Variants in FRMD4A observed in about 807,000 individuals in gnomAD.
The protein encoded by FRMD4A is FERM domain containing 4A.
FRMD4A carries 29 observed loss-of-function variants against 129.1 expected under a neutral mutation model. The observed-to-expected ratio is 0.22, with a 90% CI of 0.17 to 0.31. The LOEUF is 0.31. FRMD4A is among the 10% of genes least tolerant of loss of function. FRMD4A has a pLI of 1.00. For synonymous variants in FRMD4A, 634 were observed against 571.6 expected, an observed-to-expected ratio of 1.11 and a Z score of -1.56; for missense variants, 1,272 against 1,375.8, an observed-to-expected ratio of 0.92 and a Z score of 1.19.
intron 2 of FRMD4A, among the ~76,000 whole-genome samples, chr10:14,165,579 T>C (rs1841130388): frequency 6.6e-6 from 1 of 152,170 alleles, no homozygotes; most frequent in African/African-American, 2.4e-5. Flanking sequence ...CACAGCACTA[T>C]TCACAATAGC....
At chr10:14,009,965 A>G (rs761849308) in intron 2 of FRMD4A, among the ~76,000 whole-genome samples, 6 of 152,186 alleles carry the variant, frequency 3.9e-5, no homozygotes, top group Non-Finnish European at 5.9e-5. Flanking sequence ...CTGGAACGAT[A>G]CCCGATGATT....
chr10:14,003,206 C>T (rs35452967), intron 2 of FRMD4A, among the ~76,000 whole-genome samples: 4 of 152,004 alleles, frequency 2.6e-5, no homozygotes, highest in East Asian at 1.9e-4. Flanking sequence ...AGGAGCAGGA[C>T]GGGGAGAGAC....
At chr10:14,170,618 C>G (rs1324632570) in intron 2 of FRMD4A, among the ~76,000 whole-genome samples, 2 of 152,188 alleles carry the variant, frequency 1.3e-5, no homozygotes, top group African/African-American at 4.8e-5. Flanking sequence ...CAGAAAAACT[C>G]AAATTAGCAC....
intron 2 of FRMD4A, among the ~76,000 whole-genome samples, chr10:14,064,100 C>T (rs1461743251): frequency 6.6e-6 from 1 of 152,206 alleles, no homozygotes; most frequent in South Asian, 2.1e-4. Flanking sequence ...CTGGGAAGTG[C>T]TCACCAATGG....
rs550035900 is a variant in FRMD4A, at chr10:13,985,671, A to C, written c.46-126759T>G. Among the ~76,000 whole-genome samples the C allele has an allele frequency of 2.6e-5, 4 of 152,336 alleles. No homozygotes were observed. The South Asian group carries it at 8.3e-4, about 32-fold the overall frequency. ...GGCACCAGTCTCCACGGGAAAGCAG[A>C]GAACAGGTCCAGGCTGAGGGCATAA... On this transcript the variant is annotated intron_variant, in intron 2 of 24. Transcript: ENST00000357447.
chr10:13,844,797 C>T (rs1372077550), intron 3 of FRMD4A, among the ~76,000 whole-genome samples: 2 of 152,288 alleles, frequency 1.3e-5, no homozygotes, highest in Admixed American at 6.5e-5. Flanking sequence ...GCACAGTTGA[C>T]GAGAATATGC....
chr10:14,132,218 G>A lies in FRMD4A; in HGVS notation c.45+197840C>T, dbSNP rs558467572. On this transcript the variant is annotated intron_variant, in intron 2 of 24. Transcript: ENST00000357447. ...CAGGAGAATCGCTTGAGTCTGGGAG[G>A]AGGAGGTTGCAGTGAGCCGAGATCA... Among the ~76,000 whole-genome samples, 32 of 152,274 alleles carry A rather than the reference G, an allele frequency of 2.1e-4. No individual in the cohort carries two copies. The South Asian group carries it at 6.2e-3, about 30-fold the overall frequency.
chr10:13,949,779 G>A (rs979803180), intron 2 of FRMD4A, among the ~76,000 whole-genome samples: 4 of 152,212 alleles, frequency 2.6e-5, no homozygotes, highest in African/African-American at 9.6e-5. Context: ...AAGTCACACA[G>A]TTAATAAATG....
intron 23 of FRMD4A, chr10:13,654,184 G>A: frequency 1.7e-6 from 1 of 577,244 alleles, no homozygotes; most frequent in South Asian, 2.2e-5. Flanking sequence ...ACATCCCAAG[G>A]ACCACCGCCT....
intron 2 of FRMD4A, among the ~76,000 whole-genome samples, chr10:14,123,061 A>G (rs1233000196): frequency 6.6e-6 from 1 of 152,158 alleles, no homozygotes; most frequent in Non-Finnish European, 1.5e-5. Flanking sequence ...ATACTATTCT[A>G]TTTTTGAATA....
rs1589323470 is a variant in FRMD4A, at chr10:14,329,932, G to A, written c.45+126C>T. On this transcript the variant is annotated intron_variant, in intron 2 of 24. Transcript: ENST00000357447. ...TGACCCAAGAAAGCATTTCCAAAGA[G>A]CCTGCGGGATAAAGCGGAGCAATGT... The A allele has an allele frequency of 2.2e-5, 19 of 852,446 alleles. No homozygotes were observed. In the East Asian group the frequency reaches 4.9e-4, roughly 22 times the overall value. The allele number at this position is 852,446 out of a possible 1,614,324, so 52.8% of individuals were successfully genotyped here.
intron 2 of FRMD4A, among the ~76,000 whole-genome samples, chr10:14,251,113 C>A (rs1589228624): frequency 6.6e-6 from 1 of 152,146 alleles, no homozygotes; most frequent in Admixed American, 6.5e-5. Context: ...AATGACCCCA[C>A]CTCTTGGTAG....
At chr10:14,116,301 G>A (rs1357036295) in intron 2 of FRMD4A, among the ~76,000 whole-genome samples, 1 of 152,216 alleles carries the variant, frequency 6.6e-6, no homozygotes, top group Admixed American at 6.5e-5. Context: ...CGCCACGACA[G>A]TTTATTGTTC....
At chr10:14,034,134 A>G (rs528567350) in intron 2 of FRMD4A, among the ~76,000 whole-genome samples, 6 of 152,340 alleles carry the variant, frequency 3.9e-5, no homozygotes, top group African/African-American at 1.4e-4. Flanking sequence ...TTTGGTCCCT[A>G]GGGTCCCCCA....
chr10:14,159,974 T>C (rs141450925), intron 2 of FRMD4A, among the ~76,000 whole-genome samples: 2,740 of 152,186 alleles, frequency 0.018, 33 homozygotes, highest in Non-Finnish European at 0.029. Flanking sequence ...TGCTTGAACC[T>C]GGGAGGCAGA....
chr10:14,186,923 C>T (rs535820863), intron 2 of FRMD4A, among the ~76,000 whole-genome samples: 10 of 151,196 alleles, frequency 6.6e-5, no homozygotes, highest in Admixed American at 6.6e-4. Flanking sequence ...AGTTTTGAGA[C>T]CAGCCTGGGC....
At chr10:13,984,394 G>T (rs534099994) in intron 2 of FRMD4A, among the ~76,000 whole-genome samples, 1 of 152,076 alleles carries the variant, frequency 6.6e-6, no homozygotes, top group Non-Finnish European at 1.5e-5. Flanking sequence ...TAAAATATAC[G>T]TAATACAAAC....
At chr10:14,107,957 A>C (rs572004446) in intron 2 of FRMD4A, among the ~76,000 whole-genome samples, 2 of 152,304 alleles carry the variant, frequency 1.3e-5, no homozygotes, top group East Asian at 3.9e-4. Context: ...AATCCATCTT[A>C]GGGGCAGATT....
intron 6 of FRMD4A, among the ~76,000 whole-genome samples, chr10:13,764,019 G>A (rs2092179877): frequency 6.6e-6 from 1 of 152,122 alleles, no homozygotes; most frequent in Admixed American, 6.5e-5. Context: ...ACAGGCATGA[G>A]CCACTGCACC....
Sources: allele counts gnomAD v4.1 joint callset (sites outside exome capture counted in the v4.1 genomes callset), GRCh38; gene constraint gnomAD v4.1.1; transcripts MANE v1.5; gene names NCBI Gene and HGNC (gene_info 2026-07-23, HGNC 2026-07-21).